CTNNA2: variants seen among roughly 807,000 people sequenced by gnomAD.
The protein encoded by CTNNA2 is catenin alpha 2.
Under a neutral mutation model 101.0 loss-of-function variants are expected in CTNNA2, and 42 were observed. The ratio of observed to expected loss-of-function variants is 0.42; its 90% CI spans 0.32 to 0.54. CTNNA2 has a LOEUF of 0.54. Among genes scored for constraint, CTNNA2 ranks in the 20% least tolerant of loss-of-function variants. The pLI is 0.14. For missense variants in CTNNA2, 871 were observed against 1,223.1 expected, an observed-to-expected ratio of 0.71 and a Z score of 4.29; for synonymous variants, 450 against 456.4, an observed-to-expected ratio of 0.99 and a Z score of 0.18.
At chr2:79,945,477 A>G (rs1189268083) in intron 7 of CTNNA2, among the ~76,000 whole-genome samples, 2 of 152,192 alleles carry the variant, frequency 1.3e-5, no homozygotes, top group Non-Finnish European at 2.9e-5. Flanking sequence ...ATTCGATGTA[A>G]ATATTTCCAT....
At chr2:79,413,015 T>C (rs1678434424) in intron 4 of CTNNA2, among the ~76,000 whole-genome samples, 1 of 152,100 alleles carries the variant, frequency 6.6e-6, no homozygotes, top group Admixed American at 6.6e-5. Context: ...AAACTAGAGC[T>C]AAAAACTCTT....
chr2:79,916,705 C>T (rs894691696), intron 7 of CTNNA2, among the ~76,000 whole-genome samples: 21 of 151,476 alleles, frequency 1.4e-4, no homozygotes, highest in Non-Finnish European at 2.9e-4. Context: ...GCCTCAGCCT[C>T]GCTAGTAGCT....
chr2:80,647,329 A>ACCCTAATGTAATAATCTAATTG (rs1674215986), intron 18 of CTNNA2, among the ~76,000 whole-genome samples: 1 of 152,052 alleles, frequency 6.6e-6, no homozygotes, highest in South Asian at 2.1e-4. Context: ...ATTGCTAATT[A>ACCCTAATGTAATAATCTAATTG]CCCTAATGTA....
intron 9 of CTNNA2, among the ~76,000 whole-genome samples, chr2:80,449,686 A>G (rs1574067239): frequency 6.6e-6 from 1 of 152,184 alleles, no homozygotes; most frequent in East Asian, 1.9e-4. Context: ...TCCAGTGATC[A>G]ATAAGGATGT....
intron 5 of CTNNA2, among the ~76,000 whole-genome samples, chr2:79,506,736 A>T (rs1300886609): frequency 6.6e-6 from 1 of 152,210 alleles, no homozygotes; most frequent in Non-Finnish European, 1.5e-5. Flanking sequence ...TGGTAGAGGA[A>T]ATACCTCTGT....
chr2:79,997,549 A>G (rs1692644991), intron 7 of CTNNA2, among the ~76,000 whole-genome samples: 1 of 151,858 alleles, frequency 6.6e-6, no homozygotes, highest in Non-Finnish European at 1.5e-5. Context: ...GCAGTGGTTC[A>G]CTCCTCTTTA....
chr2:80,124,135 C>G (rs1701993968), intron 7 of CTNNA2, among the ~76,000 whole-genome samples: 1 of 152,120 alleles, frequency 6.6e-6, no homozygotes, highest in Admixed American at 6.5e-5. Flanking sequence ...TGAGACTAAT[C>G]CTTAACTTCA....
chr2:79,348,341 G>T (rs1185395639), intron 3 of CTNNA2, among the ~76,000 whole-genome samples: 3 of 152,150 alleles, frequency 2.0e-5, no homozygotes, highest in Non-Finnish European at 2.9e-5. Context: ...TCAGATTTTG[G>T]AAGTGACAGT....
At chr2:80,017,184 AAACTT>A (rs1694208502) in intron 7 of CTNNA2, among the ~76,000 whole-genome samples, 1 of 152,106 alleles carries the variant, frequency 6.6e-6, no homozygotes, top group African/African-American at 2.4e-5. Context: ...TCTAGAGTGT[AAACTT>A]AACTGGGAGT....
At chr2:80,253,455 C>G (rs1046596501) in intron 7 of CTNNA2, among the ~76,000 whole-genome samples, 17 of 152,100 alleles carry the variant, frequency 1.1e-4, no homozygotes, top group Admixed American at 1.1e-3. Flanking sequence ...TGTGGTGGAG[C>G]CTCGACTCTC....
chr2:80,643,804 A>C (rs1673747214), intron 18 of CTNNA2, among the ~76,000 whole-genome samples: 1 of 152,142 alleles, frequency 6.6e-6, no homozygotes, highest in African/African-American at 2.4e-5. Flanking sequence ...ATTTATTTCC[A>C]TAAGGGTGAC....
In CTNNA2 at chr2:79,784,759, AAT is replaced by A. The variant is rs141251255; in HGVS notation, c.298+40195_298+40196del. ...TGGCATATCATGTAGCAGAGAATGA[AAT>A]ATATATATATATATATAAAAACATG... On this transcript the variant is annotated intron_variant, in intron 3 of 18. Transcript: ENST00000402739. Among the ~76,000 whole-genome samples the A allele has an allele frequency of 1.6e-3, 239 of 149,172 alleles. 2 individuals are homozygous for A. The highest frequency in any genetic ancestry group is 3.5e-3 in the Admixed American group (52 of 14,932).
At chr2:79,735,224 C>T (rs76091077) in intron 2 of CTNNA2, among the ~76,000 whole-genome samples, 2 of 152,084 alleles carry the variant, frequency 1.3e-5, no homozygotes, top group Non-Finnish European at 2.9e-5. Context: ...TATGAAACAT[C>T]GTGCCCTAAT....
Position 79,287,231 on chromosome 2 carries a change from A to T in CTNNA2, c.-405-25478A>T, listed in dbSNP as rs944258058. On this transcript the variant is annotated intron_variant, in intron 2 of 21. Transcript: ENST00000466387. ...TCCCGTAGCTCGGAGTAATTTGATC[A>T]TCTGAAGCCTTCTTCTCTCAGCTCG... Among the ~76,000 whole-genome samples the T allele has an allele frequency of 9.7e-4, 148 of 152,262 alleles. 2 individuals are homozygous for T. Among genetic ancestry groups the T allele is most frequent in the Non-Finnish European group, 1.6e-3 (110 of 68,006 alleles).
At chr2:79,864,066 C>G (rs185654931) in intron 4 of CTNNA2, among the ~76,000 whole-genome samples, 6 of 152,280 alleles carry the variant, frequency 3.9e-5, no homozygotes, top group Admixed American at 6.5e-5. Context: ...CCTCTACTGA[C>G]AAAGCTTAAC....
chr2:79,825,392 A>G (rs1678353933), intron 3 of CTNNA2, among the ~76,000 whole-genome samples: 1 of 152,164 alleles, frequency 6.6e-6, no homozygotes, highest in Admixed American at 6.5e-5. Flanking sequence ...TAGGTGAGAT[A>G]AGCGATGGTT....
intron 4 of CTNNA2, among the ~76,000 whole-genome samples, chr2:79,420,675 CAA>C (rs1013113270): frequency 9.9e-5 from 15 of 152,258 alleles, no homozygotes; most frequent in African/African-American, 3.4e-4. Flanking sequence ...GTACCTATCT[CAA>C]AGAGTTGTTT....
At chr2:80,530,104 A>T (rs935427361) in intron 9 of CTNNA2, among the ~76,000 whole-genome samples, 5 of 152,022 alleles carry the variant, frequency 3.3e-5, no homozygotes, top group Non-Finnish European at 4.4e-5. Flanking sequence ...ACTGTGAGGG[A>T]TGCATCTGCT....
intron 2 of CTNNA2, among the ~76,000 whole-genome samples, chr2:79,726,068 A>C (rs988073564): frequency 1.3e-5 from 2 of 152,200 alleles, no homozygotes; most frequent in African/African-American, 4.8e-5. Flanking sequence ...TTCACCAGGC[A>C]TAGCCTTTTT....
Sources: allele counts gnomAD v4.1 joint callset (sites outside exome capture counted in the v4.1 genomes callset), GRCh38; gene constraint gnomAD v4.1.1; transcripts MANE v1.5; gene names NCBI Gene and HGNC (gene_info 2026-07-23, HGNC 2026-07-21).